DMD: variants seen among roughly 807,000 people sequenced by gnomAD.
DMD encodes the protein mutant dystrophin.
In DMD, 63 loss-of-function variants were observed where a neutral mutation model predicts 330.1. That is an observed-to-expected ratio of 0.19 (90% CI 0.16 to 0.24). The LOEUF (loss-of-function observed/expected upper bound fraction) is 0.24, where lower values mean the gene tolerates loss of function less well. Among genes scored for constraint, DMD ranks in the 10% least tolerant of loss-of-function variants. DMD has a pLI of 1.00. For missense variants in DMD, 3,344 were observed against 2,684.1 expected (o/e 1.25, Z -5.43); for synonymous variants, 1,223 against 959.8 (o/e 1.27, Z -5.07).
intron 46 of DMD, 27 bp downstream of exon 46, chrX:31,932,053 C>A (rs375703174): frequency 3.3e-6 from 4 of 1,206,951 alleles, no homozygotes; most frequent in Non-Finnish European, 4.5e-6. Context: ...CAAGCAGGCC[C>A]TGGGGGATTT....
chrX:32,769,732 T>A (rs939136859), intron 7 of DMD, among the ~76,000 whole-genome samples: 4 of 110,953 alleles, frequency 3.6e-5, no homozygotes, highest in Non-Finnish European at 7.6e-5. Flanking sequence ...TCACCTCAAA[T>A]TCTGTGGTAC....
chrX:32,734,459 C>A (rs1322339493), intron 7 of DMD, among the ~76,000 whole-genome samples: 31 of 107,092 alleles, frequency 2.9e-4, no homozygotes, highest in African/African-American at 1.1e-3. Flanking sequence ...GAGACACAAC[C>A]AAAAAAGAGA....
At chrX:32,520,924 C>G (rs973768117) in intron 17 of DMD, among the ~76,000 whole-genome samples, 3 of 107,733 alleles carry the variant, frequency 2.8e-5, no homozygotes, top group Non-Finnish European at 5.8e-5. Flanking sequence ...AAGCTCTGGC[C>G]CATCCTCTTT....
chrX:31,380,962 C>T (rs2060150611), intron 60 of DMD, among the ~76,000 whole-genome samples: 1 of 111,241 alleles, frequency 9.0e-6, no homozygotes, highest in Non-Finnish European at 1.9e-5. Flanking sequence ...CACACGTGCT[C>T]TCCCTGCTGA....
chrX:32,750,863 T>C (rs965603874), intron 7 of DMD, among the ~76,000 whole-genome samples: 2 of 111,407 alleles, frequency 1.8e-5, no homozygotes, highest in African/African-American at 6.5e-5. Context: ...GGTCAGGTAT[T>C]TCCCGTGCTG....
intron 1 of DMD, among the ~76,000 whole-genome samples, chrX:33,095,707 C>G (rs1030728931): frequency 9.9e-5 from 11 of 110,980 alleles, no homozygotes; most frequent in African/African-American, 3.6e-4. Context: ...GAAGTTTTGT[C>G]TTCTTATATT....
rs773939250 is a variant in DMD, at chrX:31,289,251, C to CAAAAAAAAAA, written c.9225-28245_9225-28236dup. ...CTGCACTCCAGCCTGGGTGACAGAG[C>CAAAAAAAAAA]AAAAAAAAAAAAAATAAAAAATAAA... On this transcript the variant is annotated intron_variant, in intron 62 of 78. Transcript: ENST00000357033. Among the ~76,000 whole-genome samples the CAAAAAAAAAA allele has an allele frequency of 5.8e-3, 137 of 23,484 alleles. 13 individuals carry two copies. Among genetic ancestry groups the CAAAAAAAAAA allele is most frequent in the African/African-American group, 0.025 (111 of 4,513 alleles). 20.4% of individuals were successfully genotyped at this position (23,484 alleles called of 115,157 possible).
intron 1 of DMD, among the ~76,000 whole-genome samples, chrX:33,245,243 T>A (rs749615177): frequency 9.3e-6 from 1 of 107,549 alleles, no homozygotes; most frequent in Non-Finnish European, 1.9e-5. Flanking sequence ...TACTGATAGT[T>A]AAAGTAACTG....
At chrX:31,172,251 T>C in intron 73 of DMD, 97 bp downstream of exon 73, 6 of 620,120 alleles carry the variant, frequency 9.7e-6, no homozygotes, top group Non-Finnish European at 1.6e-5. Context: ...CAAATGAATA[T>C]GATGCTAATT....
At chrX:33,334,029 T>A (rs1302641291) in intron 1 of DMD, among the ~76,000 whole-genome samples, 1 of 111,191 alleles carries the variant, frequency 9.0e-6, no homozygotes, top group East Asian at 2.8e-4. Context: ...ACTTTCACCC[T>A]TTCTGTAAGT....
intron 55 of DMD, among the ~76,000 whole-genome samples, chrX:31,591,791 T>C (rs1212915034): frequency 4.5e-5 from 5 of 111,354 alleles, no homozygotes; most frequent in Non-Finnish European, 1.9e-5. Context: ...TTTAATTGTA[T>C]TTCTGATTTT....
intron 44 of DMD, among the ~76,000 whole-genome samples, chrX:32,022,262 T>C (rs2095811363): frequency 2.7e-5 from 3 of 111,985 alleles, no homozygotes; most frequent in African/African-American, 9.7e-5. Context: ...AATCTTAATA[T>C]AGCCTACGTG....
At chrX:32,730,306 A>G (rs2067413686) in intron 7 of DMD, among the ~76,000 whole-genome samples, 1 of 112,479 alleles carries the variant, frequency 8.9e-6, no homozygotes, top group Non-Finnish European at 1.9e-5. Context: ...CGACTGTGCT[A>G]GTGCACTCCA....
At chrX:32,119,529 TGA>T (rs2096625889) in intron 44 of DMD, among the ~76,000 whole-genome samples, 2 of 110,497 alleles carry the variant, frequency 1.8e-5, no homozygotes, top group South Asian at 7.7e-4. Flanking sequence ...AAAACAGACT[TGA>T]GATTCATTTG....
chrX:31,421,517 G>A (rs977948354), intron 60 of DMD, among the ~76,000 whole-genome samples: 4 of 111,371 alleles, frequency 3.6e-5, no homozygotes, highest in African/African-American at 9.8e-5. Flanking sequence ...ATTCCAGTGT[G>A]TACAGATAAA....
chrX:32,491,104 C>G (rs745705402), intron 20 of DMD, among the ~76,000 whole-genome samples, 173 bp downstream of exon 20: 1 of 112,581 alleles, frequency 8.9e-6, no homozygotes, highest in Non-Finnish European at 1.9e-5. Flanking sequence ...CGGGTATCTA[C>G]GTCTTACATA....
In DMD at chrX:31,427,877, C is replaced by T. The variant is rs1438164967; in HGVS notation, c.9084+16604G>A. ...CATTGCAGGGACACTAAGGAGGTCT[C>T]TTAGGAGAAGGCGTAATGAAAGAAC... On this transcript the variant is annotated intron_variant, in intron 60 of 78. Coordinates refer to ENST00000357033, the MANE Select transcript of DMD (RefSeq NM_004006.3). 2.7e-5 allele frequency among the ~76,000 whole-genome samples: 3 copies of T among 111,863 alleles called. No homozygotes were observed. The Admixed American group carries it at 2.9e-4, about 11-fold the overall frequency.
At chrX:33,102,136 T>A (rs902438905) in intron 1 of DMD, among the ~76,000 whole-genome samples, 5 of 111,939 alleles carry the variant, frequency 4.5e-5, no homozygotes, top group Non-Finnish European at 9.4e-5. Flanking sequence ...TTTATTTATT[T>A]CAGGTTTGTT....
chrX:33,306,798 C>A (rs1171010408), intron 1 of DMD, among the ~76,000 whole-genome samples: 1 of 111,105 alleles, frequency 9.0e-6, no homozygotes, highest in Non-Finnish European at 1.9e-5. Flanking sequence ...AGGACAGATG[C>A]AGCATAGAGT....
Sources: gnomAD v4.1 joint callset for allele counts (sites outside exome capture counted in the v4.1 genomes callset) on GRCh38, gnomAD v4.1.1 for gene constraint, MANE v1.5 for transcripts, NCBI Gene and HGNC (gene_info 2026-07-23, HGNC 2026-07-21) for gene names.